The following SLC16A10 variants were observed in gnomAD, a reference collection of about 807,000 sequenced individuals.
SLC16A10 encodes monocarboxylate transporter 10.
A neutral mutation model predicts 40.0 loss-of-function variants in SLC16A10; 27 were observed. That is an observed-to-expected ratio of 0.67 (90% confidence interval 0.50 to 0.93). SLC16A10 has a LOEUF of 0.93. Ranked by LOEUF, SLC16A10 falls within the 40% of genes least tolerant of loss-of-function variation. The pLI, the probability that SLC16A10 is intolerant of heterozygous loss-of-function variation, is 0.00. For missense variants in SLC16A10, 529 were observed against 658.2 expected (o/e 0.80, Z 2.15); for synonymous variants, 213 against 249.8 (o/e 0.85, Z 1.39).
intron 1 of SLC16A10, among the ~76,000 whole-genome samples, chr6:111,092,375 A>G (rs1292811032): frequency 7.4e-6 from 1 of 134,334 alleles, no homozygotes; most frequent in Admixed American, 8.5e-5. Context: ...GCTGGAGTGC[A>G]GTGGCACCAT....
chr6:111,097,674 C>T (rs759939679), intron 1 of SLC16A10, among the ~76,000 whole-genome samples: 4 of 152,058 alleles, frequency 2.6e-5, no homozygotes, highest in Non-Finnish European at 5.9e-5. Flanking sequence ...TCTTTAAATA[C>T]AGAATTATAA....
chr6:111,111,590 A>G (rs1166437281), intron 1 of SLC16A10, among the ~76,000 whole-genome samples: 1 of 152,154 alleles, frequency 6.6e-6, no homozygotes. Flanking sequence ...AATATTGTCT[A>G]AATTTCTTGA....
intron 1 of SLC16A10, among the ~76,000 whole-genome samples, chr6:111,128,917 T>C (rs1771730956): frequency 7.8e-6 from 1 of 129,008 alleles, no homozygotes; most frequent in Non-Finnish European, 1.9e-5. Context: ...TCATTTCAAT[T>C]GTTTATTTTT....
At chr6:111,146,803 C>A (rs1487905412) in intron 1 of SLC16A10, among the ~76,000 whole-genome samples, 5 of 151,664 alleles carry the variant, frequency 3.3e-5, no homozygotes, top group Non-Finnish European at 7.4e-5. Context: ...TTCCAATAAA[C>A]ATGCCCATCA....
intron 1 of SLC16A10, among the ~76,000 whole-genome samples, chr6:111,093,224 G>T (rs1771015941): frequency 6.6e-6 from 1 of 152,120 alleles, no homozygotes; most frequent in African/African-American, 2.4e-5. Context: ...CACAAAAAAA[G>T]TGTAAATCAA....
chr6:111,154,399 G>A (rs1772230652), intron 1 of SLC16A10, among the ~76,000 whole-genome samples: 1 of 152,130 alleles, frequency 6.6e-6, no homozygotes, highest in South Asian at 2.1e-4. Flanking sequence ...TTAAGACTGG[G>A]GGAATGTAAA....
At chr6:111,171,391 G>A (rs1238621057) in intron 1 of SLC16A10, among the ~76,000 whole-genome samples, 2 of 152,116 alleles carry the variant, frequency 1.3e-5, no homozygotes, top group East Asian at 1.9e-4. Context: ...CATGGCTTAC[G>A]CCTGCAATCC....
chr6:111,099,610 C>T (rs1201681807), intron 1 of SLC16A10, among the ~76,000 whole-genome samples: 2 of 152,112 alleles, frequency 1.3e-5, no homozygotes, highest in East Asian at 3.9e-4. Flanking sequence ...CCACCATGTT[C>T]AGCTGATAAA....
chr6:111,167,157 A>G (rs748065118), intron 1 of SLC16A10, among the ~76,000 whole-genome samples: 109 of 152,352 alleles, frequency 7.2e-4, no homozygotes, highest in Non-Finnish European at 1.3e-3. Flanking sequence ...TAATAGTGTA[A>G]CTGAAAAGCA....
chr6:111,123,327 G>A (rs1771617418), intron 1 of SLC16A10, among the ~76,000 whole-genome samples: 2 of 152,208 alleles, frequency 1.3e-5, no homozygotes, highest in African/African-American at 4.8e-5. Flanking sequence ...ATGCTTGCAA[G>A]GAAGTCTCTT....
At chr6:111,163,320 T>G (rs1410436484) in intron 1 of SLC16A10, among the ~76,000 whole-genome samples, 2 of 150,852 alleles carry the variant, frequency 1.3e-5, no homozygotes, top group Non-Finnish European at 3.0e-5. Context: ...GCCCGGCTAA[T>G]TTTTTGTATT....
At chr6:111,137,288 A>G (rs965344658) in intron 1 of SLC16A10, among the ~76,000 whole-genome samples, 1 of 152,234 alleles carries the variant, frequency 6.6e-6, no homozygotes, top group African/African-American at 2.4e-5. Flanking sequence ...CCTGCAGCTA[A>G]CCAATGGAAA....
intron 1 of SLC16A10, among the ~76,000 whole-genome samples, chr6:111,151,886 CT>C (rs1358195103): frequency 6.6e-6 from 1 of 152,170 alleles, no homozygotes; most frequent in African/African-American, 2.4e-5. Context: ...TATTTTTTCC[CT>C]GCCCATCTGG....
intron 3 of SLC16A10, among the ~76,000 whole-genome samples, chr6:111,202,884 C>CAAAAA (rs567667458): frequency 3.5e-5 from 3 of 86,318 alleles, no homozygotes; most frequent in African/African-American, 1.4e-4. Flanking sequence ...GAGACTCCAT[C>CAAAAA]AAAAAAAAAA....
At chr6:111,124,394 T>C (rs1771635774) in intron 1 of SLC16A10, among the ~76,000 whole-genome samples, 1 of 151,750 alleles carries the variant, frequency 6.6e-6, no homozygotes, top group African/African-American at 2.4e-5. Flanking sequence ...CTGGCTCTGT[T>C]GCTCAGGCTG....
At chr6:111,114,245 G>A (rs1387072419) in intron 1 of SLC16A10, among the ~76,000 whole-genome samples, 4 of 152,186 alleles carry the variant, frequency 2.6e-5, no homozygotes, top group African/African-American at 9.7e-5. Context: ...TAGTTGAGAC[G>A]TTAAAGATGT....
chr6:111,188,494 T>G (rs1199841705), intron 3 of SLC16A10, among the ~76,000 whole-genome samples: 4 of 152,308 alleles, frequency 2.6e-5, no homozygotes, highest in African/African-American at 9.6e-5. Flanking sequence ...CAAGGATATA[T>G]ATATATATTT....
At chr6:111,097,381 G>T (rs950425984) in intron 1 of SLC16A10, among the ~76,000 whole-genome samples, 1 of 151,766 alleles carries the variant, frequency 6.6e-6, no homozygotes, top group Non-Finnish European at 1.5e-5. Flanking sequence ...GCGTGATCTC[G>T]GCTCACTGCA....
chr6:111,176,616 A>G (rs1444272227), intron 2 of SLC16A10, among the ~76,000 whole-genome samples: 1 of 152,258 alleles, frequency 6.6e-6, no homozygotes, highest in Non-Finnish European at 1.5e-5. Flanking sequence ...AGTGCAGTAC[A>G]GGGCGAAGGT....
Sources: gnomAD v4.1 joint callset for allele counts (sites outside exome capture counted in the v4.1 genomes callset) on GRCh38, gnomAD v4.1.1 for gene constraint, MANE v1.5 for transcripts, NCBI Gene and HGNC (gene_info 2026-07-23, HGNC 2026-07-21) for gene names.